GSE1: variants seen among roughly 807,000 people sequenced by gnomAD.
GSE1 encodes the protein genetic suppressor element 1.
In GSE1, 32 loss-of-function variants were observed where a neutral mutation model predicts 112.6. The ratio of observed to expected loss-of-function variants is 0.28; its 90% CI spans 0.21 to 0.38. GSE1 has a LOEUF of 0.38. Among genes scored for constraint, GSE1 ranks in the 10% least tolerant of loss-of-function variants. The pLI is 1.00. For missense variants in GSE1, 2,348 were observed against 1,699.2 expected (o/e 1.38, Z -6.71); for synonymous variants, 1,115 against 735.6 (o/e 1.52, Z -8.35).
intron 1 of GSE1, among the ~76,000 whole-genome samples, chr16:85,578,025 G>C (rs1169589932): frequency 6.6e-6 from 1 of 152,256 alleles, no homozygotes; most frequent in Non-Finnish European, 1.5e-5. Context: ...ACCTGGTGTT[G>C]GGAGGCTGCA....
intron 1 of GSE1, among the ~76,000 whole-genome samples, chr16:85,246,459 A>ACC (rs1555546513): frequency 7.8e-5 from 5 of 64,148 alleles, no homozygotes; most frequent in African/African-American, 2.3e-4. Context: ...ACACACACAC[A>ACC]CCCCACACGC....
chr16:85,578,480 C>T (rs2046322596), intron 1 of GSE1, among the ~76,000 whole-genome samples: 1 of 152,180 alleles, frequency 6.6e-6, no homozygotes, highest in Non-Finnish European at 1.5e-5. Flanking sequence ...ACATGCATGG[C>T]CCTCCCTTTC....
chr16:85,654,520 A>G, intron 4 of GSE1, 70 bp downstream of exon 4: 1 of 1,364,560 alleles, frequency 7.3e-7, no homozygotes, highest in Non-Finnish European at 1.0e-6. Flanking sequence ...CTGGGTCCCC[A>G]GGCAGCCTGC....
rs186585247 is a variant in GSE1, at chr16:85,327,134, C to T, written c.2284-30329C>T. ...GCCTCTCCCTGGGCAACCTGGGCTT[C>T]CTCACAACATGGTGGCAGGGTCCCA... On this transcript the variant is annotated intron_variant, in intron 1 of 2. Transcript: ENST00000637419. Among the ~76,000 whole-genome samples the T allele has an allele frequency of 2.5e-3, 387 of 152,326 alleles. 2 individuals are homozygous for T. Among genetic ancestry groups the T allele is most frequent in the Non-Finnish European group, 2.2e-3 (147 of 68,036 alleles).
At chr16:85,498,691 G>A (rs532930580) in intron 2 of GSE1, among the ~76,000 whole-genome samples, 1 of 152,368 alleles carries the variant, frequency 6.6e-6, no homozygotes, top group Middle Eastern at 3.4e-3. Context: ...ACAGCACACA[G>A]TGGTGGCTGT....
intron 1 of GSE1, among the ~76,000 whole-genome samples, chr16:85,281,210 A>G (rs201596516): frequency 6.6e-6 from 1 of 152,170 alleles, no homozygotes; most frequent in Non-Finnish European, 1.5e-5. Context: ...TGGGGAGGAC[A>G]TCCGAGGCCT....
intron 1 of GSE1, among the ~76,000 whole-genome samples, chr16:85,181,840 T>G (rs2074592147): frequency 6.6e-6 from 1 of 152,172 alleles, no homozygotes; most frequent in African/African-American, 2.4e-5. Flanking sequence ...GAGGGTAGGT[T>G]GAGGCCTGGA....
intron 1 of GSE1, among the ~76,000 whole-genome samples, chr16:85,601,525 G>A (rs565108671): frequency 6.6e-6 from 1 of 152,086 alleles, no homozygotes; most frequent in Non-Finnish European, 1.5e-5. Flanking sequence ...AATCAAGGTG[G>A]GGGGGTGACC....
chr16:85,451,331 T>G (rs1377002117), intron 2 of GSE1, among the ~76,000 whole-genome samples: 1 of 152,258 alleles, frequency 6.6e-6, no homozygotes, highest in East Asian at 1.9e-4. Flanking sequence ...TAGGATGTCA[T>G]GTAGGCGGAG....
chr16:85,657,439 A>T lies in GSE1; in HGVS notation c.1475A>T (p.Asn492Ile), dbSNP rs761004665. The part of the protein sequence containing the change: ...AATALLIQRT[N>I]EEEKWLARQR... ...ACAGCCCTGCTGATCCAGCGCACCA[A>T]TGAGGAGGAGAAGTGGCTGGCGCGG... is the stretch of plus-strand genomic sequence containing the variant. Residue 492 changes from asparagine (N) to isoleucine (I), a missense_variant, in exon 8 of 16, where the codon AAT becomes ATT. Asn to Ile is a moderately radical substitution (Grantham distance 149). Coordinates refer to ENST00000253458, the MANE Select transcript of GSE1 (RefSeq NM_014615.5). 1 of 1,612,530 alleles carries T rather than the reference A, an allele frequency of 6.2e-7. No individual in the cohort carries two copies. Among genetic ancestry groups the T allele is most frequent in the South Asian group, 1.1e-5 (1 of 90,980 alleles).
At chr16:85,207,585 A>C (rs1237827811) in intron 1 of GSE1, among the ~76,000 whole-genome samples, 1 of 152,012 alleles carries the variant, frequency 6.6e-6, no homozygotes. Flanking sequence ...CAGCCCCTTC[A>C]TGAATCCCCT....
At chr16:85,270,645 C>G (rs763655122) in intron 1 of GSE1, among the ~76,000 whole-genome samples, 6 of 148,886 alleles carry the variant, frequency 4.0e-5, no homozygotes, top group Non-Finnish European at 7.6e-5. Context: ...TTTGTTAATG[C>G]TCTGTCCTGC....
chr16:85,403,091 T>TGGG, intron 2 of GSE1, among the ~76,000 whole-genome samples: 1 of 151,088 alleles, frequency 6.6e-6, no homozygotes, highest in East Asian at 2.0e-4. Flanking sequence ...CCATGGTTGC[T>TGGG]GGGGGGGGAC....
At chr16:85,445,303 G>C (rs1002132295) in intron 2 of GSE1, among the ~76,000 whole-genome samples, 1 of 152,240 alleles carries the variant, frequency 6.6e-6, no homozygotes, top group Non-Finnish European at 1.5e-5. Flanking sequence ...GTGGAGAGGC[G>C]AGTGTGCTGC....
chr16:85,304,790 G>A (rs550211447), intron 1 of GSE1, among the ~76,000 whole-genome samples: 24 of 152,298 alleles, frequency 1.6e-4, no homozygotes, highest in African/African-American at 5.5e-4. Context: ...CGACCAGGCC[G>A]CTCTGCAGCC....
chr16:85,402,904 A>T (rs77124313), intron 2 of GSE1, among the ~76,000 whole-genome samples: 1,633 of 148,708 alleles, frequency 0.011, 15 homozygotes, highest in Non-Finnish European at 0.017. Flanking sequence ...TGACAGTGAA[A>T]GACCCTGACT....
intron 1 of GSE1, among the ~76,000 whole-genome samples, chr16:85,241,003 C>T (rs1905122729): frequency 6.6e-6 from 1 of 152,192 alleles, no homozygotes; most frequent in Non-Finnish European, 1.5e-5. Flanking sequence ...TCTCTCAGTC[C>T]AGTCTGGAGG....
At chr16:85,186,696 T>G (rs2074709844) in intron 1 of GSE1, among the ~76,000 whole-genome samples, 1 of 150,792 alleles carries the variant, frequency 6.6e-6, no homozygotes, top group East Asian at 1.9e-4. Context: ...GCTCAGAAGT[T>G]TGAGGCTGCA....
chr16:85,587,583 G>A (rs2046767825), intron 1 of GSE1, among the ~76,000 whole-genome samples: 1 of 152,064 alleles, frequency 6.6e-6, no homozygotes, highest in East Asian at 1.9e-4. Context: ...GGGCGAGGTG[G>A]GGGCTTCTCA....
Sources: gnomAD v4.1 joint callset for allele counts (sites outside exome capture counted in the v4.1 genomes callset) on GRCh38, gnomAD v4.1.1 for gene constraint, MANE v1.5 for transcripts, NCBI Gene and HGNC (gene_info 2026-07-23, HGNC 2026-07-21) for gene names.